Variants in SHROOM3 observed in about 807,000 individuals in gnomAD.
SHROOM3 encodes the protein shroom family member 3.
SHROOM3 carries 47 observed loss-of-function variants against 138.6 expected under a neutral mutation model. The ratio of observed to expected loss-of-function variants is 0.34; its 90% CI spans 0.27 to 0.43. SHROOM3 has a LOEUF of 0.43. Among genes scored for constraint, SHROOM3 ranks in the 20% least tolerant of loss-of-function variants. SHROOM3 has a pLI of 1.00. For missense variants in SHROOM3, 2,491 were observed against 2,596.5 expected, an observed-to-expected ratio of 0.96 and a Z score of 0.88; for synonymous variants, 1,062 against 1,063.3, an observed-to-expected ratio of 1.00 and a Z score of 0.02.
intron 1 of SHROOM3, among the ~76,000 whole-genome samples, chr4:76,482,555 G>C (rs1418353487): frequency 6.6e-6 from 1 of 152,176 alleles, no homozygotes; most frequent in East Asian, 1.9e-4. Flanking sequence ...AATGAATATC[G>C]TGAAAATGGC....
At chr4:76,534,742 G>C (rs1732914083) in intron 1 of SHROOM3, among the ~76,000 whole-genome samples, 1 of 152,028 alleles carries the variant, frequency 6.6e-6, no homozygotes, top group Non-Finnish European at 1.5e-5. Flanking sequence ...TCTACCCATT[G>C]TCCTGGGCCT....
intron 1 of SHROOM3, among the ~76,000 whole-genome samples, chr4:76,525,577 A>T (rs1230822912): frequency 6.6e-6 from 1 of 152,198 alleles, no homozygotes; most frequent in Non-Finnish European, 1.5e-5. Flanking sequence ...GTGATGCTGA[A>T]CATCATTTCA....
Position 76,782,810 on chromosome 4 carries a change from G to T in SHROOM3, c.*3633G>T, listed in dbSNP as rs548405172. On this transcript the variant is annotated 3_prime_UTR_variant, in exon 11 of 11. Coordinates refer to ENST00000296043, the MANE Select transcript of SHROOM3 (RefSeq NM_020859.4). ...CTTTTCTACACAGGAATATATTATC[G>T]GGAACAAAGTATTTCCTGCTGCCTT... 1 of 152,108 alleles carries T rather than the reference G, an allele frequency of 6.6e-6. No homozygotes were observed. Among genetic ancestry groups the T allele is most frequent in the African/African-American group, 2.4e-5 (1 of 41,420 alleles). 9.4% of individuals were successfully genotyped at this position (152,108 alleles called of 1,614,324 possible).
intron 4 of SHROOM3, among the ~76,000 whole-genome samples, chr4:76,731,980 A>C (rs1720900723): frequency 6.6e-6 from 1 of 152,088 alleles, no homozygotes; most frequent in Admixed American, 6.5e-5. Flanking sequence ...GTCAGGAAGA[A>C]GGAGAGCCCT....
Position 76,435,383 on chromosome 4 carries a change from A to C in SHROOM3, c.-670A>C, listed in dbSNP as rs889848502. 1.3e-5 allele frequency: 2 copies of C among 148,462 alleles called. No homozygotes were observed. Among genetic ancestry groups the C allele is most frequent in the Admixed American group, 6.6e-5 (1 of 15,094 alleles). The allele number at this position is 148,462 out of a possible 1,614,324, so 9.2% of individuals were successfully genotyped here. On this transcript the variant is annotated 5_prime_UTR_variant, in exon 1 of 11. Transcript: ENST00000296043. ...CTTTTTCATTTTCTCTACATCCTGC[A>C]AAAGTTTTTTTCTCTCCTAAGAAAC...
At chr4:76,684,568 C>T (rs1288982496) in intron 2 of SHROOM3, among the ~76,000 whole-genome samples, 1 of 152,208 alleles carries the variant, frequency 6.6e-6, no homozygotes. Context: ...TGGGTTCTCA[C>T]CTGTGCAAGA....
chr4:76,725,005 T>A (rs1265651605), intron 3 of SHROOM3, among the ~76,000 whole-genome samples: 1 of 152,236 alleles, frequency 6.6e-6, no homozygotes, highest in African/African-American at 2.4e-5. Flanking sequence ...CTGTACGGTA[T>A]GGAAGAATCT....
chr4:76,588,977 T>G (rs944470432), intron 2 of SHROOM3, among the ~76,000 whole-genome samples: 2 of 152,184 alleles, frequency 1.3e-5, no homozygotes, highest in Admixed American at 6.5e-5. Context: ...TACAAATGGA[T>G]GATTTTGGAA....
At chr4:76,742,628 TA>T (rs1261322153) in intron 5 of SHROOM3, among the ~76,000 whole-genome samples, 1 of 152,232 alleles carries the variant, frequency 6.6e-6, no homozygotes, top group Non-Finnish European at 1.5e-5. Flanking sequence ...GCAAGGATTA[TA>T]AAGTACTTTC....
At chr4:76,471,391 A>C (rs538003647) in intron 1 of SHROOM3, among the ~76,000 whole-genome samples, 1 of 151,926 alleles carries the variant, frequency 6.6e-6, no homozygotes, top group South Asian at 2.1e-4. Flanking sequence ...CTACAGGTGC[A>C]CACCACCACG....
intron 1 of SHROOM3, among the ~76,000 whole-genome samples, chr4:76,524,492 T>C (rs148335869): frequency 3.3e-4 from 50 of 152,180 alleles, no homozygotes; most frequent in African/African-American, 1.2e-3. Flanking sequence ...GGTGAGGGAA[T>C]TGGGAAGCAA....
At position 76,457,931 on chromosome 4, in the gene SHROOM3, G is replaced by C. The variant is rs142351811; in HGVS notation, c.168+21711G>C. Among the ~76,000 whole-genome samples the C allele has an allele frequency of 7.0e-3, 1,058 of 152,038 alleles. 10 individuals carry two copies. The highest frequency in any genetic ancestry group is 0.024 in the African/African-American group (991 of 41,468). ...CTGCCTCGGCCTCCCAAAGTGCTGG[G>C]ATTACAGGTGCCCACCACCGTGTCT... On this transcript the variant is annotated intron_variant, in intron 1 of 10. Transcript: ENST00000296043.
rs545977213 is a variant in SHROOM3, at chr4:76,648,316, ATATCT to A, written c.324-61833_324-61829del. ...GCACTCTAGCCTTGGTGACAGAGTGATATCTTATCTTTAAAAAAAGAAAGAAAGAA... is the reference window on the plus strand; with the variant it reads ...GCACTCTAGCCTTGGTGACAGAGTGATATCTTTAAAAAAAGAAAGAAAGAA... On this transcript the variant is annotated intron_variant, in intron 2 of 10. Coordinates refer to ENST00000296043, the MANE Select transcript of SHROOM3 (RefSeq NM_020859.4). 2.2e-4 allele frequency among the ~76,000 whole-genome samples: 33 copies of A among 152,326 alleles called. 1 individual carries two copies. The highest frequency in any genetic ancestry group is 1.9e-3 in the Admixed American group (29 of 15,302).
At chr4:76,464,677 G>T (rs1234695837) in intron 1 of SHROOM3, among the ~76,000 whole-genome samples, 1 of 152,144 alleles carries the variant, frequency 6.6e-6, no homozygotes, top group Non-Finnish European at 1.5e-5. Flanking sequence ...GAGGTGATTG[G>T]ATCATGGGGG....
At chr4:76,676,294 G>A (rs1158282849) in intron 2 of SHROOM3, among the ~76,000 whole-genome samples, 1 of 152,126 alleles carries the variant, frequency 6.6e-6, no homozygotes, top group African/African-American at 2.4e-5. Context: ...GAGATGGTGG[G>A]CATGTGTCTA....
chr4:76,453,482 G>A (rs1326144097), intron 1 of SHROOM3, among the ~76,000 whole-genome samples: 1 of 151,886 alleles, frequency 6.6e-6, no homozygotes, highest in South Asian at 2.1e-4. Context: ...GTCTCACTAT[G>A]TTGCCCAGGC....
At chr4:76,529,188 A>G (rs116401471) in intron 1 of SHROOM3, among the ~76,000 whole-genome samples, 1,525 of 152,282 alleles carry the variant, frequency 0.01, 24 homozygotes, top group Non-Finnish European at 0.012. Context: ...TGTTTCTGGA[A>G]ACATGGAGGT....
chr4:76,719,512 C>G (rs1311417369), intron 3 of SHROOM3, among the ~76,000 whole-genome samples: 2 of 152,162 alleles, frequency 1.3e-5, no homozygotes, highest in African/African-American at 4.8e-5. Flanking sequence ...AAGATGAATG[C>G]TATTACACAT....
intron 2 of SHROOM3, among the ~76,000 whole-genome samples, chr4:76,704,872 T>C (rs566465117): frequency 6.6e-6 from 1 of 152,208 alleles, no homozygotes; most frequent in Non-Finnish European, 1.5e-5. Flanking sequence ...TGGCTGATTC[T>C]AACAGACAAA....
Sources: allele counts gnomAD v4.1 joint callset (sites outside exome capture counted in the v4.1 genomes callset), GRCh38; gene constraint gnomAD v4.1.1; transcripts MANE v1.5; gene names NCBI Gene and HGNC (gene_info 2026-07-23, HGNC 2026-07-21).